The following HDX variants were observed in gnomAD, a reference collection of about 807,000 sequenced individuals.
HDX encodes chromosome X open reading frame 43.
In HDX, 19 loss-of-function variants were observed where a neutral mutation model predicts 45.2. That is an observed-to-expected ratio of 0.42 (90% CI 0.29 to 0.62). The LOEUF (loss-of-function observed/expected upper bound fraction) is 0.62, where lower values mean the gene tolerates loss of function less well. HDX is among the 20% of genes least tolerant of loss of function. The pLI, the probability that HDX is intolerant of heterozygous loss-of-function variation, is 0.20. For synonymous variants in HDX, 188 were observed against 172.8 expected (o/e 1.09, Z -0.69); for missense variants, 532 against 493.9 (o/e 1.08, Z -0.73).
Position 84,466,677 on chromosome X carries a change from T to G in HDX, c.1251+1795A>C, listed in dbSNP as rs181171091. On this transcript the variant is annotated intron_variant, in intron 4 of 10. Transcript: ENST00000373177. ...AAATTATCCTTTAGGGAGTGGTGGGTTTAAAAAATATTTAAATTAAACCTT... is the reference window on the plus strand; with the variant it reads ...AAATTATCCTTTAGGGAGTGGTGGGGTTAAAAAATATTTAAATTAAACCTT... Among the ~76,000 whole-genome samples, 97 of 111,944 alleles carry G rather than the reference T, an allele frequency of 8.7e-4. 1 individual carries two copies. The highest frequency in any genetic ancestry group is 2.7e-3 in the African/African-American group (84 of 30,838).
intron 5 of HDX, among the ~76,000 whole-genome samples, chrX:84,414,328 T>C (rs184299525): frequency 3.9e-3 from 434 of 111,535 alleles, no homozygotes; most frequent in African/African-American, 0.014. Context: ...GTGATTCCTA[T>C]GATCAAGCAA....
chrX:84,353,838 T>A (rs948526941), intron 6 of HDX, among the ~76,000 whole-genome samples: 4 of 111,492 alleles, frequency 3.6e-5, no homozygotes, highest in Non-Finnish European at 7.5e-5. Flanking sequence ...AACATACCAC[T>A]CTGAAAGGTT....
At chrX:84,445,929 G>A (rs987171879) in intron 4 of HDX, among the ~76,000 whole-genome samples, 5 of 111,136 alleles carry the variant, frequency 4.5e-5, no homozygotes, top group Admixed American at 1.9e-4. Flanking sequence ...TTTATACATA[G>A]TAGTAAAATT....
At chrX:84,342,797 A>G (rs187001000) in intron 7 of HDX, among the ~76,000 whole-genome samples, 136 of 111,598 alleles carry the variant, frequency 1.2e-3, no homozygotes, top group African/African-American at 4.2e-3. Context: ...AAAGACTGTA[A>G]TCATGACCCA....
intron 6 of HDX, among the ~76,000 whole-genome samples, chrX:84,358,358 T>A (rs1569292988): frequency 9.0e-6 from 1 of 110,625 alleles, no homozygotes; most frequent in Non-Finnish European, 1.9e-5. Context: ...AACTTTGATT[T>A]AAAAAAAATA....
At chrX:84,360,222 C>A in intron 6 of HDX, among the ~76,000 whole-genome samples, 2 of 111,575 alleles carry the variant, frequency 1.8e-5, no homozygotes, top group East Asian at 2.8e-4. Flanking sequence ...ATTAAAACCA[C>A]AATGAAATAC....
At chrX:84,331,847 T>C (rs772624486) in intron 9 of HDX, among the ~76,000 whole-genome samples, 1 of 111,843 alleles carries the variant, frequency 8.9e-6, no homozygotes, top group Non-Finnish European at 1.9e-5. Context: ...GGCTATACCA[T>C]ATACCCTAGG....
chrX:84,420,529 G>T, intron 5 of HDX, among the ~76,000 whole-genome samples: 1 of 111,685 alleles, frequency 9.0e-6, no homozygotes, highest in Non-Finnish European at 1.9e-5. Context: ...AAGAAATACT[G>T]GTCTTAAAGA....
intron 5 of HDX, among the ~76,000 whole-genome samples, chrX:84,400,702 CTT>C (rs2038681349): frequency 9.0e-6 from 1 of 111,353 alleles, no homozygotes; most frequent in Admixed American, 9.6e-5. Flanking sequence ...AGAAAAACTA[CTT>C]TAAATTCCAT....
intron 5 of HDX, among the ~76,000 whole-genome samples, chrX:84,368,913 C>A (rs1389417344): frequency 1.8e-5 from 2 of 110,864 alleles, no homozygotes; most frequent in Non-Finnish European, 3.8e-5. Flanking sequence ...ATGCACAGTT[C>A]ACAATAGGGT....
chrX:84,435,913 C>T (rs2039618272), intron 5 of HDX, among the ~76,000 whole-genome samples: 1 of 83,071 alleles, frequency 1.2e-5, no homozygotes, highest in Non-Finnish European at 2.3e-5. Context: ...TTTGACCCAG[C>T]CATCCCATTA....
At chrX:84,466,293 G>T (rs976829497) in intron 4 of HDX, among the ~76,000 whole-genome samples, 2 of 111,970 alleles carry the variant, frequency 1.8e-5, no homozygotes, top group East Asian at 5.6e-4. Flanking sequence ...GCCTTGCATA[G>T]ATTTTTTTTT....
In HDX at chrX:84,317,928, C is replaced by T. The variant is rs1045238421; in HGVS notation, c.*3961G>A. The T allele has an allele frequency of 9.0e-6, 1 of 110,649 alleles. No individual in the cohort carries two copies. The highest frequency in any genetic ancestry group is 3.3e-5 in the African/African-American group (1 of 30,596). The allele number at this position is 110,649 out of a possible 1,213,427, so 9.1% of individuals were successfully genotyped here. On this transcript the variant is annotated 3_prime_UTR_variant, in exon 11 of 11. Transcript: ENST00000373177. ...TATAAAAGTTTAAATAAAAACTCTA[C>T]AAAAATTCACATTACAGTCTGATGT...
chrX:84,458,755 C>A (rs551410217), intron 4 of HDX, among the ~76,000 whole-genome samples: 4 of 111,604 alleles, frequency 3.6e-5, no homozygotes, highest in African/African-American at 1.3e-4. Flanking sequence ...AAATCGGAAA[C>A]CTGCCTCAAA....
At position 84,406,375 on chromosome X, in the gene HDX, CT is replaced by C. The variant is rs767266154; in HGVS notation, c.1305+34156del. On this transcript the variant is annotated intron_variant, in intron 5 of 10. Transcript: ENST00000373177. Reference sequence around the variant, plus strand: ...GGTGAAGTAATAGGATAAAGTGTGCCTTGGGCTAGAGAAGTGGCTGTTTAAA... The same window carrying C: ...GGTGAAGTAATAGGATAAAGTGTGCCTGGGCTAGAGAAGTGGCTGTTTAAA... 2.6e-3 allele frequency among the ~76,000 whole-genome samples: 280 copies of C among 107,441 alleles called. 3 individuals are homozygous for C. The highest frequency in any genetic ancestry group is 9.5e-3 in the Middle Eastern group (2 of 210). 93.3% of individuals were successfully genotyped at this position (107,441 alleles called of 115,157 possible).
In HDX at chrX:84,321,923, G is replaced by C; in HGVS notation, c.2039C>G (p.Ser680Cys). 1 of 1,188,100 alleles carries C rather than the reference G, an allele frequency of 8.4e-7. No homozygotes were observed. Residue 680 changes from serine to cysteine, a missense_variant, in exon 11 of 11, where the codon TCT becomes TGT. Coordinates refer to ENST00000373177, the MANE Select transcript of HDX (RefSeq NM_001177479.2). ...TTCTGAGACATTTTTCTCTGACAAA[G>C]AAGATACACTGAATGAGGTATCATC... ...EPDDTSFSVS[S>C]LSEKNVSESL
intron 3 of HDX, among the ~76,000 whole-genome samples, chrX:84,472,039 AG>A (rs1005041787): frequency 9.1e-6 from 1 of 110,206 alleles, no homozygotes; most frequent in Non-Finnish European, 1.9e-5. Flanking sequence ...TTAATGGGAA[AG>A]CACAGTAAAA....
chrX:84,396,105 G>A (rs62613263), intron 5 of HDX, among the ~76,000 whole-genome samples: 9,887 of 111,643 alleles, frequency 0.089, 442 homozygotes, highest in Middle Eastern at 0.22. Flanking sequence ...GTGCTCCTTT[G>A]TAGGTGTCAT....
chrX:84,318,443 C>G lies in HDX; in HGVS notation c.*3446G>C. 1 of 110,772 alleles carries G rather than the reference C, an allele frequency of 9.0e-6. No homozygotes were observed. Among genetic ancestry groups the G allele is most frequent in the Non-Finnish European group, 1.9e-5 (1 of 52,474 alleles). The allele number at this position is 110,772 out of a possible 1,213,427, so 9.1% of individuals were successfully genotyped here. A position where few individuals can be genotyped will look rare whatever the true frequency, so the allele number is the denominator to read the frequency against. On this transcript the variant is annotated 3_prime_UTR_variant, in exon 11 of 11. Transcript: ENST00000373177. ...AGTAGACAATATTTCTGGAATAACA[C>G]AACTGTAATACGGAAGAAGGGCAGG...
Sources: gnomAD v4.1 joint callset for allele counts (sites outside exome capture counted in the v4.1 genomes callset) on GRCh38, gnomAD v4.1.1 for gene constraint, MANE v1.5 for transcripts, NCBI Gene and HGNC (gene_info 2026-07-23, HGNC 2026-07-21) for gene names.